MAP1B: variants seen among roughly 807,000 people sequenced by gnomAD.
MAP1B encodes microtubule associated protein 1B.
A neutral mutation model predicts 176.1 loss-of-function variants in MAP1B; 12 were observed. That is an observed-to-expected ratio of 0.07 (90% confidence interval 0.04 to 0.11). The LOEUF is 0.11. Ranked by LOEUF, MAP1B falls within the 10% of genes least tolerant of loss-of-function variation. The pLI, the probability that MAP1B is intolerant of heterozygous loss-of-function variation, is 1.00. For synonymous variants in MAP1B, 1,044 were observed against 1,135.0 expected (o/e 0.92, Z 1.61); for missense variants, 2,523 against 2,990.5 (o/e 0.84, Z 3.65).
chr5:72,149,729 C>T (rs757772866), intron 2 of MAP1B, among the ~76,000 whole-genome samples: 21 of 152,086 alleles, frequency 1.4e-4, no homozygotes, highest in East Asian at 9.6e-4. Context: ...GAAAATGGGA[C>T]GGGGATGAGG....
At position 72,120,429 on chromosome 5, in the gene MAP1B, T is replaced by C. The variant is rs572570535; in HGVS notation, c.286+4630T>C. ...GTTCCACCTCATAGTTTCTTTCTTT[T>C]TTTTTTTTTTTTTGAGATAGAGTCT... On this transcript the variant is annotated intron_variant, in intron 2 of 6. Transcript: ENST00000296755. Among the ~76,000 whole-genome samples the C allele has an allele frequency of 1.9e-3, 289 of 150,468 alleles. 1 individual carries two copies. The highest frequency in any genetic ancestry group is 6.0e-3 in the African/African-American group (246 of 41,164).
At chr5:72,193,727 C>A in intron 4 of MAP1B, 139 bp from the exon 5 acceptor site, 1 of 929,210 alleles carries the variant, frequency 1.1e-6, no homozygotes, top group Non-Finnish European at 1.6e-6. Flanking sequence ...CAACCAACAT[C>A]ACTATGAGAG....
chr5:72,152,323 C>T (rs527919800), intron 2 of MAP1B, among the ~76,000 whole-genome samples: 1 of 152,180 alleles, frequency 6.6e-6, no homozygotes, highest in Non-Finnish European at 1.5e-5. Context: ...CCTTGTTCTG[C>T]AAAACCTGGG....
At chr5:72,191,865 A>T (rs1747032939) in intron 4 of MAP1B, among the ~76,000 whole-genome samples, 1 of 152,136 alleles carries the variant, frequency 6.6e-6, no homozygotes, top group Non-Finnish European at 1.5e-5. Context: ...CCTGCATTTC[A>T]TAGAAATTCT....
intron 2 of MAP1B, among the ~76,000 whole-genome samples, chr5:72,141,527 G>A (rs1242937676): frequency 3.3e-5 from 5 of 152,152 alleles, no homozygotes; most frequent in African/African-American, 4.8e-5. Flanking sequence ...CAGTAGCCTC[G>A]GAGTGACCTT....
intron 4 of MAP1B, among the ~76,000 whole-genome samples, chr5:72,189,081 A>C (rs1471150592): frequency 2.6e-5 from 4 of 152,178 alleles, no homozygotes; most frequent in Non-Finnish European, 5.9e-5. Context: ...ATACTAGTTA[A>C]CTCCAGGGAA....
At chr5:72,187,327 T>C (rs1323219010) in intron 4 of MAP1B, among the ~76,000 whole-genome samples, 1 of 152,218 alleles carries the variant, frequency 6.6e-6, no homozygotes, top group Non-Finnish European at 1.5e-5. Flanking sequence ...CTAATGCGTA[T>C]CTTATTCAAA....
intron 2 of MAP1B, among the ~76,000 whole-genome samples, chr5:72,162,056 T>C (rs1381866983): frequency 6.6e-6 from 1 of 151,174 alleles, no homozygotes; most frequent in Admixed American, 6.6e-5. Flanking sequence ...TACTAAGTTA[T>C]CATCACCAGA....
intron 1 of MAP1B, among the ~76,000 whole-genome samples, chr5:72,111,943 T>C (rs1351471049): frequency 6.6e-6 from 1 of 152,114 alleles, no homozygotes; most frequent in Non-Finnish European, 1.5e-5. Context: ...GAACATCAAG[T>C]TGCTGGCTTT....
At chr5:72,125,512 G>A (rs1266765488) in intron 2 of MAP1B, among the ~76,000 whole-genome samples, 1 of 152,108 alleles carries the variant, frequency 6.6e-6, no homozygotes, top group Admixed American at 6.6e-5. Flanking sequence ...TCAGTTCCTA[G>A]CTCTGCAGGC....
Position 72,196,613 on chromosome 5 carries a change from T to A in MAP1B, c.3258T>A (p.His1086Gln), listed in dbSNP as rs34574348. 71 of 1,613,888 alleles carry A rather than the reference T, an allele frequency of 4.4e-5. No individual in the cohort carries two copies. In the African/African-American group the frequency reaches 4.9e-4, roughly 11 times the overall value. The change falls in exon 5 of 7, where the codon CAT becomes CAA. Residue 1086 changes from histidine to glutamine, a missense_variant. Physicochemically the swap from His to Gln is conservative, Grantham distance 24. This residue lies in a region of MAP1B where 1,925 missense variants were observed against 2,126.0 expected (regional missense o/e 0.91). Coordinates refer to ENST00000296755, the MANE Select transcript of MAP1B (RefSeq NM_005909.5). The surrounding 1 kb of genome is among the most constrained non-coding windows in gnomAD (Gnocchi z 5.3). ...SPGREPASSIHDETLPGGSES... is the reference protein window; with the variant it reads ...SPGREPASSIQDETLPGGSES... Reference sequence around the variant, plus strand: ...GCCGAGAACCTGCATCTTCAATTCATGATGAGACTTTACCTGGAGGCTCAG... The same window carrying A: ...GCCGAGAACCTGCATCTTCAATTCAAGATGAGACTTTACCTGGAGGCTCAG...
intron 1 of MAP1B, among the ~76,000 whole-genome samples, chr5:72,109,795 G>A (rs568697801): frequency 3.3e-5 from 5 of 152,350 alleles, no homozygotes; most frequent in Admixed American, 1.3e-4. Context: ...ACAGTTTTCA[G>A]GGCTTGCCTT....
At chr5:72,203,365 T>C (rs1487958891) in intron 5 of MAP1B, among the ~76,000 whole-genome samples, 198 bp from the exon 6 acceptor site, 1 of 152,216 alleles carries the variant, frequency 6.6e-6, no homozygotes, top group Non-Finnish European at 1.5e-5. Flanking sequence ...AACAACCATG[T>C]TATGTTTTGT....
rs116822810 is a variant in MAP1B at position 72,143,560 on chromosome 5, G to A, written c.286+27761G>A. Among the ~76,000 whole-genome samples the A allele has an allele frequency of 8.5e-3, 1,286 of 152,094 alleles. 21 individuals carry two copies. The highest frequency in any genetic ancestry group is 0.029 in the African/African-American group (1,221 of 41,476). ...CATATCTGTCTTGGTATCCTCCCTC[G>A]ATATCACACTGCCAGTAGTTTTTTT... On this transcript the variant is annotated intron_variant, in intron 2 of 6. Transcript: ENST00000296755.
At chr5:72,172,213 T>A (rs1474023977) in intron 2 of MAP1B, among the ~76,000 whole-genome samples, 1 of 152,198 alleles carries the variant, frequency 6.6e-6, no homozygotes, top group East Asian at 1.9e-4. Context: ...GATCTTGACC[T>A]TAAGAAGTCC....
chr5:72,155,810 AG>A (rs1230294742), intron 2 of MAP1B, among the ~76,000 whole-genome samples: 7 of 133,822 alleles, frequency 5.2e-5, no homozygotes, highest in African/African-American at 2.0e-4. Flanking sequence ...TCTGTTGCCC[AG>A]GCTGGAGTAC....
rs1000478714 is a variant in MAP1B at position 72,195,494 on chromosome 5, TAAGAAGGAAGAG to T, written c.2150_2161del (p.Glu717_Glu720del). On this transcript the variant is annotated inframe_deletion, in exon 5 of 7. Transcript: ENST00000296755. ...CGCCAAAGGAAGTCAAGAAGGAAGT[TAAGAAGGAAGAG>T]AAGAAGGAAGTGAAAAAGGAAGAAA... is the stretch of plus-strand genomic sequence containing the variant. 43 of 1,585,744 alleles carry T rather than the reference TAAGAAGGAAGAG, an allele frequency of 2.7e-5. No individual in the cohort carries two copies. The highest frequency in any genetic ancestry group is 3.5e-5 in the Non-Finnish European group (41 of 1,172,794).
At chr5:72,144,277 C>T (rs373299129) in intron 2 of MAP1B, among the ~76,000 whole-genome samples, 80 of 152,280 alleles carry the variant, frequency 5.3e-4, no homozygotes, top group African/African-American at 1.8e-3. Flanking sequence ...GACTTGATCC[C>T]GAATCTTCCC....
rs1390140409 is a variant in MAP1B at position 72,199,862 on chromosome 5, C to T, written c.6507C>T (p.Cys2169=). ...ATGTTCCCCCGGAGACTGAAGAGTGCCCCTCCATCACGGCCGATGCCAATA... is the reference window on the plus strand; with the variant it reads ...ATGTTCCCCCGGAGACTGAAGAGTGTCCCTCCATCACGGCCGATGCCAATA... The part of the protein sequence containing the change: ...DSDVPPETEE[C]PSITADANID... The change falls in exon 5 of 7, where the codon TGC becomes TGT. Residue 2169 remains cysteine, a synonymous_variant. Transcript: ENST00000296755. This position sits in a 1 kb window ranked among gnomAD's most constrained non-coding sequence, Gnocchi z 4.2. The T allele has an allele frequency of 1.9e-6, 3 of 1,614,032 alleles. No individual in the cohort carries two copies. Among genetic ancestry groups the T allele is most frequent in the African/African-American group, 1.3e-5 (1 of 74,926 alleles).
Sources: gnomAD v4.1 joint callset for allele counts (sites outside exome capture counted in the v4.1 genomes callset) on GRCh38, gnomAD v4.1.1 for gene constraint, gnomAD v4.1.1 regional missense constraint, Gnocchi (gnomAD v3.1) non-coding constraint, MANE v1.5 for transcripts, NCBI Gene and HGNC (gene_info 2026-07-23, HGNC 2026-07-21) for gene names.